The following URB1 variants were observed in gnomAD, a reference collection of about 807,000 sequenced individuals.
URB1 encodes the protein URB1 ribosome biogenesis factor.
Under a neutral mutation model 242.3 loss-of-function variants are expected in URB1, and 197 were observed. The observed-to-expected ratio is 0.81, with a 90% CI of 0.72 to 0.91. URB1 has a LOEUF of 0.91. URB1 is among the 40% of genes least tolerant of loss of function. The pLI is 0.00. For synonymous variants in URB1, 1,153 were observed against 1,201.8 expected (o/e 0.96, Z 0.84); for missense variants, 2,721 against 2,860.5 (o/e 0.95, Z 1.11).
Position 32,335,947 on chromosome 21 carries a change from GC to G in URB1, c.4685+1146del, listed in dbSNP as rs2032954079. Among the ~76,000 whole-genome samples, 4 of 152,328 alleles carry G rather than the reference GC, an allele frequency of 2.6e-5. No homozygotes were observed. In the South Asian group the frequency reaches 8.3e-4, roughly 32 times the overall value. ...GCCCTGTCCTGTGACTCCCTGGGCA[GC>G]CTCGCTTGGCGTTCTCTGCTGTGTT... is the stretch of plus-strand genomic sequence containing the variant. On this transcript the variant is annotated intron_variant, in intron 28 of 38. Coordinates refer to ENST00000382751, the MANE Select transcript of URB1 (RefSeq NM_014825.3).
chr21:32,338,851 G>C lies in URB1; in HGVS notation c.4366C>G (p.Gln1456Glu), dbSNP rs1451826713. 4 of 1,551,484 alleles carry C rather than the reference G, an allele frequency of 2.6e-6. No individual in the cohort carries two copies. The highest frequency in any genetic ancestry group is 3.5e-6 in the Non-Finnish European group (4 of 1,146,856). ...GAGCTTTCTGGGCTGTACAGGAGCT[G>C]TACGGCGGTGAGGAGCATCTTTAAA... Reference protein sequence around the residue: ...TFLKMLLTAVQLLYSPESSVR... With the variant: ...TFLKMLLTAVELLYSPESSVR... Residue 1456 changes from glutamine (Q) to glutamate (E), a missense_variant, in exon 26 of 39, where the codon CAG (glutamine) becomes GAG (glutamate). Gln to Glu is a conservative substitution (Grantham distance 29). Coordinates refer to ENST00000382751, the MANE Select transcript of URB1 (RefSeq NM_014825.3).
chr21:32,337,026 C>T, intron 28 of URB1, 68 bp downstream of exon 28: 1 of 1,444,668 alleles, frequency 6.9e-7, no homozygotes, highest in South Asian at 1.2e-5. Context: ...AATCTCGAGT[C>T]TGGAGCTCAC....
In URB1 at chr21:32,312,248, G is replaced by A; in HGVS notation, c.*2670C>T. 2 of 1,417,894 alleles carry A rather than the reference G, an allele frequency of 1.4e-6. No individual in the cohort carries two copies. Among genetic ancestry groups the A allele is most frequent in the Non-Finnish European group, 1.8e-6 (2 of 1,088,866 alleles). The allele number at this position is 1,417,894 out of a possible 1,614,324, so 87.8% of individuals were successfully genotyped here. ...CTTGCTTACTGCTTATATTTGCTCAGGGAAGAGTAGGAAAATAAAATATAT... is the reference window on the plus strand; with the variant it reads ...CTTGCTTACTGCTTATATTTGCTCAAGGAAGAGTAGGAAAATAAAATATAT... On this transcript the variant is annotated 3_prime_UTR_variant, in exon 39 of 39. Transcript: ENST00000382751.
chr21:32,383,351 G>C (rs1185484717), intron 4 of URB1, 71 bp downstream of exon 4: 1 of 1,476,124 alleles, frequency 6.8e-7, no homozygotes, highest in Non-Finnish European at 9.0e-7. Flanking sequence ...GCAGAGAATG[G>C]AGGAAAAACC....
At chr21:32,357,465 A>T in intron 15 of URB1, 72 bp downstream of exon 15, 1 of 1,325,752 alleles carries the variant, frequency 7.5e-7, no homozygotes, top group Non-Finnish European at 9.6e-7. Context: ...ATAACTGTTA[A>T]CTAAACACTT....
chr21:32,367,651 G>A (rs1032234282), intron 9 of URB1, among the ~76,000 whole-genome samples: 13 of 152,180 alleles, frequency 8.5e-5, no homozygotes, highest in African/African-American at 2.7e-4. Context: ...GGAAGGTAAC[G>A]CACATCCACT....
chr21:32,391,917 G>C (rs961443511), intron 1 of URB1, among the ~76,000 whole-genome samples: 2 of 151,702 alleles, frequency 1.3e-5, no homozygotes, highest in African/African-American at 2.4e-5. Context: ...TCAGCTACTT[G>C]GGAGGCTGAG....
chr21:32,345,821 G>A (rs1475087721), intron 22 of URB1, among the ~76,000 whole-genome samples: 1 of 152,094 alleles, frequency 6.6e-6, no homozygotes, highest in African/African-American at 2.4e-5. Flanking sequence ...CAACACAGGG[G>A]GCCCTGGCTA....
At chr21:32,383,193 C>G (rs2033545590) in intron 4 of URB1, among the ~76,000 whole-genome samples, 1 of 152,254 alleles carries the variant, frequency 6.6e-6, no homozygotes, top group South Asian at 2.1e-4. Context: ...CAGGAGCCTC[C>G]TCAGATATCC....
At position 32,316,660 on chromosome 21, in the gene URB1, C is replaced by T; in HGVS notation, c.6440G>A (p.Ser2147Asn). 2 of 1,551,494 alleles carry T rather than the reference C, an allele frequency of 1.3e-6. 1 individual carries two copies. The stretch of plus-strand genomic sequence containing the variant: ...CCGGCTATACAGCCTGAATATGCTG[C>T]TCCTCACGGCACTGTCCTTAAGGAG... Reference protein sequence around the residue: ...ADLLKDSAVRSSIFRLYSRLC... With the variant: ...ADLLKDSAVRNSIFRLYSRLC... Residue 2147 changes from serine (S) to asparagine (N), a missense_variant, in exon 38 of 39, where the codon AGC (serine) becomes AAC (asparagine). Physicochemically the swap from Ser to Asn is conservative, Grantham distance 46. Transcript: ENST00000382751.
intron 18 of URB1, among the ~76,000 whole-genome samples, chr21:32,353,206 C>T (rs574082940): frequency 5.9e-5 from 9 of 152,290 alleles, no homozygotes; most frequent in East Asian, 3.9e-4. Context: ...CTCACCAATC[C>T]GTTTACTGTG....
At chr21:32,320,997 C>A (rs1019267109) in intron 34 of URB1, among the ~76,000 whole-genome samples, 3 of 152,194 alleles carry the variant, frequency 2.0e-5, no homozygotes, top group African/African-American at 7.2e-5. Flanking sequence ...AGCTGCTGGC[C>A]GCCAGCCACG....
At position 32,334,273 on chromosome 21, in the gene URB1, A is replaced by G. The variant is rs955893659; in HGVS notation, c.4747T>C (p.Ser1583Pro). 2 of 1,551,336 alleles carry G rather than the reference A, an allele frequency of 1.3e-6. No individual in the cohort carries two copies. Among genetic ancestry groups the G allele is most frequent in the Admixed American group, 2.0e-5 (1 of 50,968 alleles). The change falls in exon 29 of 39, where the codon TCA (serine) becomes CCA (proline). Residue 1583 changes from serine (S) to proline (P), a missense_variant. Transcript: ENST00000382751. Reference sequence around the variant, plus strand: ...CCGACACTCGGCTGCTGCCACAGTGACCTGCCCAGGCTCCGGCACGTCTTG... The same window carrying G: ...CCGACACTCGGCTGCTGCCACAGTGGCCTGCCCAGGCTCCGGCACGTCTTG... ...HHKTCRSLGR[S>P]LWQQPSVGDI...
chr21:32,379,811 G>A (rs1460759143), intron 4 of URB1, among the ~76,000 whole-genome samples: 4 of 152,076 alleles, frequency 2.6e-5, no homozygotes, highest in Non-Finnish European at 4.4e-5. Flanking sequence ...CCAACATGGT[G>A]AAACCCTGTC....
At chr21:32,391,011 T>C (rs1199607054) in intron 1 of URB1, among the ~76,000 whole-genome samples, 4 of 152,166 alleles carry the variant, frequency 2.6e-5, no homozygotes, top group Non-Finnish European at 4.4e-5. Context: ...ATGTGGCACA[T>C]ATACACCATG....
intron 33 of URB1, 147 bp from the exon 34 acceptor site, chr21:32,322,091 C>A: frequency 1.1e-6 from 1 of 950,298 alleles, no homozygotes; most frequent in Non-Finnish European, 1.5e-6. Context: ...AATCCCTGAT[C>A]TCATCTTTGA....
intron 38 of URB1, among the ~76,000 whole-genome samples, chr21:32,315,315 A>AAT (rs1491323770): frequency 1.1e-4 from 3 of 26,900 alleles, no homozygotes; most frequent in Non-Finnish European, 5.6e-4. Context: ...TCTTTTCTTT[A>AAT]AAAAAAAAAA....
Position 32,314,340 on chromosome 21 carries a change from A to T in URB1, c.*578T>A, listed in dbSNP as rs933250688. The T allele has an allele frequency of 6.3e-6, 3 of 474,422 alleles. No homozygotes were observed. The highest frequency in any genetic ancestry group is 1.2e-5 in the Non-Finnish European group (3 of 254,736). 29.4% of individuals were successfully genotyped at this position (474,422 alleles called of 1,614,324 possible). A position where few individuals can be genotyped will look rare whatever the true frequency, so the allele number is the denominator to read the frequency against. On this transcript the variant is annotated 3_prime_UTR_variant, in exon 39 of 39. Coordinates refer to ENST00000382751, the MANE Select transcript of URB1 (RefSeq NM_014825.3). ...GCTGGAATTACAGGTGTGCGCTACC[A>T]TGCCTGGCTAATTTTTGTATTTTTA...
intron 8 of URB1, 74 bp downstream of exon 8, chr21:32,372,433 A>G: frequency 6.7e-7 from 1 of 1,494,030 alleles, no homozygotes; most frequent in Non-Finnish European, 8.9e-7. Flanking sequence ...CTACAGTTCC[A>G]CTAGACACTC....
Sources: gnomAD v4.1 joint callset for allele counts (sites outside exome capture counted in the v4.1 genomes callset) on GRCh38, gnomAD v4.1.1 for gene constraint, MANE v1.5 for transcripts, NCBI Gene and HGNC (gene_info 2026-07-23, HGNC 2026-07-21) for gene names.